Variants in ITPR2 observed in about 807,000 individuals in gnomAD.
ITPR2 encodes the protein inositol 1,4,5-trisphosphate-gated calcium channel ITPR2.
ITPR2 carries 207 observed loss-of-function variants against 317.1 expected under a neutral mutation model. The ratio of observed to expected loss-of-function variants is 0.65; its 90% CI spans 0.58 to 0.73. The LOEUF is 0.73. Among genes scored for constraint, ITPR2 ranks in the 30% least tolerant of loss-of-function variants. The pLI, the probability that ITPR2 is intolerant of heterozygous loss-of-function variation, is 0.00. For synonymous variants in ITPR2, 1,156 were observed against 1,149.1 expected, an observed-to-expected ratio of 1.01 and a Z score of -0.12; for missense variants, 2,613 against 3,284.0, an observed-to-expected ratio of 0.80 and a Z score of 4.99.
intron 55 of ITPR2, among the ~76,000 whole-genome samples, chr12:26,349,761 G>T (rs538056708): frequency 6.6e-6 from 1 of 152,360 alleles, no homozygotes; most frequent in East Asian, 1.9e-4. Context: ...ACCACTTTCA[G>T]TGTGCTGGTG....
rs190461770 is a variant in ITPR2, at chr12:26,409,125, G to A, written c.7399+2195C>T. On this transcript the variant is annotated intron_variant, in intron 52 of 56. Transcript: ENST00000381340. ...GGGACACCTGTAGACCTGAATTTGA[G>A]ACTGTGACAGACTCTGCAAGCTGCT... Among the ~76,000 whole-genome samples, 5 of 152,228 alleles carry A rather than the reference G, an allele frequency of 3.3e-5. No homozygotes were observed. The East Asian group carries it at 7.7e-4, about 24-fold the overall frequency.
chr12:26,718,443 A>G lies in ITPR2; in HGVS notation c.526-2201T>C, dbSNP rs1237218230. Reference sequence around the variant, plus strand: ...CTGCTCTAAGTCTTGCTATTTTACTATAGTTGTCTGTAAGCTTTGGGTCAA... The same window carrying G: ...CTGCTCTAAGTCTTGCTATTTTACTGTAGTTGTCTGTAAGCTTTGGGTCAA... On this transcript the variant is annotated intron_variant, in intron 5 of 56. Coordinates refer to ENST00000381340, the MANE Select transcript of ITPR2 (RefSeq NM_002223.4). 4.0e-5 allele frequency among the ~76,000 whole-genome samples: 6 copies of G among 151,800 alleles called. No individual in the cohort carries two copies. In the East Asian group the frequency reaches 7.7e-4, roughly 19 times the overall value.
intron 5 of ITPR2, among the ~76,000 whole-genome samples, chr12:26,716,887 A>G (rs972836163): frequency 6.6e-6 from 1 of 152,186 alleles, no homozygotes; most frequent in Non-Finnish European, 1.5e-5. Flanking sequence ...AATAAAAACT[A>G]AAATTGATTC....
At chr12:26,531,464 C>A (rs972255361) in intron 37 of ITPR2, among the ~76,000 whole-genome samples, 4 of 152,142 alleles carry the variant, frequency 2.6e-5, no homozygotes, top group Admixed American at 2.6e-4. Flanking sequence ...TCTTAAAATG[C>A]TCCTTGATTT....
At chr12:26,557,502 G>A (rs992758851) in intron 35 of ITPR2, among the ~76,000 whole-genome samples, 1 of 152,188 alleles carries the variant, frequency 6.6e-6, no homozygotes, top group Admixed American at 6.5e-5. Flanking sequence ...TGTGTGGGGA[G>A]GTTCTTTCAA....
intron 37 of ITPR2, among the ~76,000 whole-genome samples, chr12:26,546,786 T>C (rs1944400126): frequency 6.6e-6 from 1 of 152,032 alleles, no homozygotes; most frequent in Non-Finnish European, 1.5e-5. Context: ...ACAAAGCAGA[T>C]AAGAACTTAC....
At position 26,599,974 on chromosome 12, in the gene ITPR2, C is replaced by T; in HGVS notation, c.3801+13G>A. On this transcript the variant is annotated intron_variant, in intron 29 of 56. Transcript: ENST00000381340. ...ACTTTACTAGAAATACTAGAAGCCACTAAAATACTTACACCTGGAGTTAAA... is the reference window on the plus strand; with the variant it reads ...ACTTTACTAGAAATACTAGAAGCCATTAAAATACTTACACCTGGAGTTAAA... 6.3e-7 allele frequency: 1 copy of T among 1,588,564 alleles called. No individual in the cohort carries two copies. Among genetic ancestry groups the T allele is most frequent in the Non-Finnish European group, 8.6e-7 (1 of 1,159,248 alleles).
At chr12:26,412,912 C>T (rs1270492565) in intron 51 of ITPR2, among the ~76,000 whole-genome samples, 1 of 152,110 alleles carries the variant, frequency 6.6e-6, no homozygotes, top group Non-Finnish European at 1.5e-5. Context: ...CAATGAGAGA[C>T]AGTGAGAGCT....
At chr12:26,377,719 C>G (rs1237169653) in intron 55 of ITPR2, among the ~76,000 whole-genome samples, 1 of 152,220 alleles carries the variant, frequency 6.6e-6, no homozygotes, top group Non-Finnish European at 1.5e-5. Flanking sequence ...CATCCTAGTT[C>G]AAGTACTTAT....
intron 37 of ITPR2, among the ~76,000 whole-genome samples, chr12:26,495,760 A>G (rs1467410260): frequency 6.6e-6 from 1 of 152,172 alleles, no homozygotes. Flanking sequence ...CCTAAAGAAG[A>G]CTCAGAATAA....
intron 26 of ITPR2, among the ~76,000 whole-genome samples, chr12:26,603,227 G>T (rs544040496): frequency 1.6e-4 from 25 of 151,916 alleles, no homozygotes; most frequent in African/African-American, 5.8e-4. Flanking sequence ...TCACGACTCC[G>T]GGCCAACATA....
chr12:26,419,659 A>G (rs1398059793), intron 49 of ITPR2: 1 of 152,294 alleles, frequency 6.6e-6, no homozygotes, highest in Non-Finnish European at 1.5e-5. Flanking sequence ...ATGATATAAT[A>G]CATATGAAGT....
At position 26,611,122 on chromosome 12, in the gene ITPR2, G is replaced by T. The variant is rs369000065; in HGVS notation, c.3463-8416C>A. The stretch of plus-strand genomic sequence containing the variant: ...TGCCTGTTGTTTACAGGAATCTTTC[G>T]AACACTAGCCCATGGCCCATAGAAA... On this transcript the variant is annotated intron_variant, in intron 26 of 56. Coordinates refer to ENST00000381340, the MANE Select transcript of ITPR2 (RefSeq NM_002223.4). Among the ~76,000 whole-genome samples, 17 of 152,306 alleles carry T rather than the reference G, an allele frequency of 1.1e-4. No individual in the cohort carries two copies. In the East Asian group the frequency reaches 2.7e-3, roughly 24 times the overall value.
intron 37 of ITPR2, among the ~76,000 whole-genome samples, chr12:26,539,899 T>C (rs539264503): frequency 2.6e-5 from 4 of 152,374 alleles, no homozygotes; most frequent in African/African-American, 9.6e-5. Context: ...AAGGTCAATG[T>C]GCTGCATTGC....
chr12:26,763,222 G>A (rs1949666430), intron 2 of ITPR2, among the ~76,000 whole-genome samples: 1 of 151,818 alleles, frequency 6.6e-6, no homozygotes, highest in Non-Finnish European at 1.5e-5. Flanking sequence ...AACTCTTCAT[G>A]TTATACACCA....
rs373736906 is a variant in ITPR2, at chr12:26,387,590, A to T, written c.7701T>A (p.Leu2567=). The T allele has an allele frequency of 5.0e-6, 8 of 1,613,064 alleles. No homozygotes were observed. Among genetic ancestry groups the T allele is most frequent in the Non-Finnish European group, 5.9e-6 (7 of 1,179,486 alleles). ...TTTTATTATCAAACTTGTCTCTCTC[A>T]AGTCCTGAAAAACACAGGCAACACA... ...ILKTTCFICG[L]ERDKFDNKTV... is the part of the protein sequence containing the mutation. Residue 2567 remains leucine, a synonymous_variant, in exon 55 of 57, where the codon CTT becomes CTA. Transcript: ENST00000381340.
intron 1 of ITPR2, among the ~76,000 whole-genome samples, chr12:26,815,760 A>G (rs933617444): frequency 1.3e-5 from 2 of 152,174 alleles, no homozygotes; most frequent in Admixed American, 6.5e-5. Context: ...ATAAGGCAAT[A>G]TGCCTTTGAA....
intron 37 of ITPR2, among the ~76,000 whole-genome samples, chr12:26,516,275 G>GGAAAGGAAAGGAAGGGAAAGGAAGGGAAA (rs1565574550): frequency 1.9e-4 from 7 of 37,798 alleles, no homozygotes; most frequent in Admixed American, 8.2e-4. Flanking sequence ...AGGAAAGGAA[G>GGAAAGGAAAGGAAGGGAAAGGAAGGGAAA]GGAAGGGAAG....
intron 32 of ITPR2, among the ~76,000 whole-genome samples, chr12:26,585,933 T>C (rs1945514929): frequency 6.6e-6 from 1 of 152,188 alleles, no homozygotes; most frequent in Admixed American, 6.5e-5. Context: ...TTATTTTTTG[T>C]GTTATTTTAA....
Sources: allele counts gnomAD v4.1 joint callset (sites outside exome capture counted in the v4.1 genomes callset), GRCh38; gene constraint gnomAD v4.1.1; transcripts MANE v1.5; gene names NCBI Gene and HGNC (gene_info 2026-07-23, HGNC 2026-07-21).